THSD1: variants seen among roughly 807,000 people sequenced by gnomAD.
The protein encoded by THSD1 is thrombospondin type-1 domain-containing protein 1.
Under a neutral mutation model 46.3 loss-of-function variants are expected in THSD1, and 34 were observed. That is an observed-to-expected ratio of 0.74 (90% CI 0.56 to 0.98). The LOEUF (loss-of-function observed/expected upper bound fraction) is 0.98. Ranked by LOEUF, THSD1 falls within the 50% of genes least tolerant of loss-of-function variation. The pLI is 0.00. For synonymous variants in THSD1, 407 were observed against 416.5 expected (o/e 0.98, Z 0.28); for missense variants, 1,023 against 1,058.3 (o/e 0.97, Z 0.46).
At chr13:52,396,309 G>A (rs1342606675) in intron 3 of THSD1, among the ~76,000 whole-genome samples, 1 of 152,064 alleles carries the variant, frequency 6.6e-6, no homozygotes, top group Non-Finnish European at 1.5e-5. Context: ...GGATCACAAG[G>A]TCAGGAGATC....
At position 52,397,368 on chromosome 13, in the gene THSD1, G is replaced by A. The variant is rs758298333; in HGVS notation, c.885C>T (p.Pro295=). The A allele has an allele frequency of 4.3e-6, 7 of 1,614,058 alleles. No individual in the cohort carries two copies. The Admixed American group carries it at 1.0e-4, about 23-fold the overall frequency. The change falls in exon 3 of 5, where the codon CCC becomes CCT. Residue 295 remains proline, a synonymous_variant. Transcript: ENST00000258613. Reference sequence around the variant, plus strand: ...TAAAAATTGTCCTCCTCTCTCCCAGGGGCAGGCTGTTTTCAGCCAAGTGAA... The same window carrying A: ...TAAAAATTGTCCTCCTCTCTCCCAGAGGCAGGCTGTTTTCAGCCAAGTGAA... ...RTIHLAENSL[P]LGERRTIFNC...
At chr13:52,403,938 ATTTTTTTTT>A (rs67802176) in intron 1 of THSD1, among the ~76,000 whole-genome samples, 2 of 63,920 alleles carry the variant, frequency 3.1e-5, no homozygotes, top group African/African-American at 1.6e-4. Flanking sequence ...CATTATTCAC[ATTTTTTTTT>A]TTTTTTTTTT....
At chr13:52,392,920 C>T (rs920061118) in intron 3 of THSD1, among the ~76,000 whole-genome samples, 1 of 152,018 alleles carries the variant, frequency 6.6e-6, no homozygotes, top group African/African-American at 2.4e-5. Flanking sequence ...CCTGTGGGCT[C>T]CCAAGTGGTT....
chr13:52,400,897 T>C (rs1957852942), intron 2 of THSD1, among the ~76,000 whole-genome samples: 1 of 152,236 alleles, frequency 6.6e-6, no homozygotes, highest in African/African-American at 2.4e-5. Flanking sequence ...TTATTTATCA[T>C]TATGAAACCA....
chr13:52,396,685 T>C (rs1006384038), intron 3 of THSD1, among the ~76,000 whole-genome samples: 1 of 152,164 alleles, frequency 6.6e-6, no homozygotes, highest in Non-Finnish European at 1.5e-5. Context: ...TTCTTCATGA[T>C]TAGGTGGGGC....
Position 52,402,586 on chromosome 13 carries a change from C to G in THSD1, c.15G>C (p.Leu5Phe), listed in dbSNP as rs1380388780. Residue 5 changes from leucine to phenylalanine, a missense_variant, in exon 2 of 5, where the codon TTG (leucine) becomes TTC (phenylalanine). By Grantham distance (22) the Leu-to-Phe change is conservative. Around this residue, in one of 3 missense-constraint regions of THSD1, gnomAD observed 429 missense variants for 518.3 expected, o/e 0.83. Transcript: ENST00000258613. Reference protein sequence around the residue: MKPMLKDFSNLLLVV... With the variant: MKPMFKDFSNLLLVV... ...CCAACAATAGATTTGAAAAGTCTTT[C>G]AACATTGGTTTCATTCTGATTGACA... 6 of 1,613,830 alleles carry G rather than the reference C, an allele frequency of 3.7e-6. No homozygotes were observed. Among genetic ancestry groups the G allele is most frequent in the African/African-American group, 2.7e-5 (2 of 74,926 alleles).
chr13:52,383,189 A>T (rs939428972), intron 4 of THSD1, among the ~76,000 whole-genome samples: 4 of 152,168 alleles, frequency 2.6e-5, no homozygotes, highest in Non-Finnish European at 5.9e-5. Flanking sequence ...GTCATATCTT[A>T]TTAATACATT....
chr13:52,385,716 A>C (rs1454140910), intron 4 of THSD1, among the ~76,000 whole-genome samples: 1 of 152,208 alleles, frequency 6.6e-6, no homozygotes, highest in Non-Finnish European at 1.5e-5. Flanking sequence ...AATCTTATGA[A>C]GAAATGATCC....
chr13:52,404,671 A>G (rs1957893269), intron 1 of THSD1, among the ~76,000 whole-genome samples: 2 of 152,252 alleles, frequency 1.3e-5, no homozygotes, highest in African/African-American at 4.8e-5. Flanking sequence ...AAGTGTGAGC[A>G]CTTAAGACAA....
In THSD1 at chr13:52,397,477, G is replaced by A; in HGVS notation, c.776C>T (p.Thr259Ile). ...GAAGGTGCATGGTGGAGGCAGCACT[G>A]TCACCTCTACCCCGGACTCACATGT... The part of the protein sequence containing the change: ...ELTCESGVEV[T>I]VLPPPCTFVQ... The change falls in exon 3 of 5, where the codon ACA becomes ATA. Residue 259 changes from threonine (T) to isoleucine (I), a missense_variant. Transcript: ENST00000258613. 6.2e-7 allele frequency: 1 copy of A among 1,614,114 alleles called. No individual in the cohort carries two copies. The highest frequency in any genetic ancestry group is 8.5e-7 in the Non-Finnish European group (1 of 1,180,034).
chr13:52,395,015 G>A (rs9526912), intron 3 of THSD1, among the ~76,000 whole-genome samples: 152,202 of 152,306 alleles, frequency 1, 76,049 homozygotes, highest in Middle Eastern at 1. Flanking sequence ...GTTAATGTTA[G>A]CCAGGAGAAG....
intron 3 of THSD1, among the ~76,000 whole-genome samples, chr13:52,387,764 A>G (rs1447807973): frequency 2.0e-5 from 3 of 152,186 alleles, no homozygotes; most frequent in Non-Finnish European, 4.4e-5. Context: ...AAATGTCCCA[A>G]ACTAAAAAAC....
In THSD1 at chr13:52,378,250, A is replaced by C; in HGVS notation, c.1720T>G (p.Leu574Val). Residue 574 changes from leucine (L) to valine (V), a missense_variant, in exon 5 of 5, where the codon TTG becomes GTG. Around this residue, in one of 3 missense-constraint regions of THSD1, gnomAD observed 578 missense variants for 497.4 expected, o/e 1.16. Transcript: ENST00000258613. ...IDAAPSAPLDLESPEEAAANK... is the reference protein window; with the variant it reads ...IDAAPSAPLDVESPEEAAANK... Reference sequence around the variant, plus strand: ...GCTGCAGCTTCTTCCGGGCTTTCCAAATCTAAGGGAGCGCTGGGGGCCGCA... The same window carrying C: ...GCTGCAGCTTCTTCCGGGCTTTCCACATCTAAGGGAGCGCTGGGGGCCGCA... 2 of 1,614,164 alleles carry C rather than the reference A, an allele frequency of 1.2e-6. No individual in the cohort carries two copies. Among genetic ancestry groups the C allele is most frequent in the Non-Finnish European group, 1.7e-6 (2 of 1,180,028 alleles).
In THSD1 at chr13:52,377,184, T is replaced by C. The variant is rs1230791080; in HGVS notation, c.*227A>G. The C allele has an allele frequency of 2.4e-6, 3 of 1,267,696 alleles. No homozygotes were observed. The highest frequency in any genetic ancestry group is 3.0e-6 in the Non-Finnish European group (3 of 1,004,696). 78.5% of individuals were successfully genotyped at this position (1,267,696 alleles called of 1,614,324 possible). A position where few individuals can be genotyped will look rare whatever the true frequency, so the allele number is the denominator to read the frequency against. ...AAGCCCCATTTGCTCATTTACATTT[T>C]ATTATCATTGTTATTACTAATAAAT... On this transcript the variant is annotated 3_prime_UTR_variant, in exon 5 of 5. Transcript: ENST00000258613.
In THSD1 at chr13:52,377,774, C is replaced by T; in HGVS notation, c.2196G>A (p.Gly732=). 6.2e-7 allele frequency: 1 copy of T among 1,614,146 alleles called. No homozygotes were observed. Among genetic ancestry groups the T allele is most frequent in the Non-Finnish European group, 8.5e-7 (1 of 1,180,022 alleles). Residue 732 remains glycine, a synonymous_variant, in exon 5 of 5, where the codon GGG becomes GGA. Transcript: ENST00000258613. ...LNPLPKSYTL[G]QPLRKPDLGD... ...CAAGGTCTGGTTTCCTCAAGGGCTG[C>T]CCCAAAGTGTAGGATTTAGGGAGAG...
intron 3 of THSD1, among the ~76,000 whole-genome samples, chr13:52,390,116 T>C (rs1416239674): frequency 3.4e-5 from 5 of 148,984 alleles, no homozygotes; most frequent in Admixed American, 6.8e-5. Flanking sequence ...ACTCCAGCCT[T>C]GGCAGCAGAG....
At chr13:52,385,245 A>G (rs2137729643) in intron 4 of THSD1, among the ~76,000 whole-genome samples, 1 of 152,346 alleles carries the variant, frequency 6.6e-6, no homozygotes, top group Non-Finnish European at 1.5e-5. Flanking sequence ...TCTAAGAGTC[A>G]GGACCAGAGC....
chr13:52,397,270 G>A lies in THSD1; in HGVS notation c.983C>T (p.Ser328Phe). 1 of 1,610,164 alleles carries A rather than the reference G, an allele frequency of 6.2e-7. No individual in the cohort carries two copies. The highest frequency in any genetic ancestry group is 8.5e-7 in the Non-Finnish European group (1 of 1,178,184). Residue 328 changes from serine to phenylalanine, a missense_variant, in exon 3 of 5, where the codon TCT (serine) becomes TTT (phenylalanine). By Grantham distance (155) the Ser-to-Phe change is radical. This residue lies in a region of THSD1 where 429 missense variants were observed against 518.3 expected (regional missense o/e 0.83). Transcript: ENST00000258613. ...DFGISSRSHF[S>F]AKEECMLIQR... ...AATTAGCATGCACTCCTCCTTTGCA[G>A]AAAAATGGCTTCTGCTTGAAATGCC...
At chr13:52,388,440 A>G (rs1356064237) in intron 3 of THSD1, among the ~76,000 whole-genome samples, 2 of 152,146 alleles carry the variant, frequency 1.3e-5, no homozygotes, top group Non-Finnish European at 2.9e-5. Flanking sequence ...CTAAAATATC[A>G]CTGATAGCCT....
Sources: allele counts gnomAD v4.1 joint callset (sites outside exome capture counted in the v4.1 genomes callset), GRCh38; gene constraint gnomAD v4.1.1; regional missense constraint gnomAD v4.1.1; transcripts MANE v1.5; gene names NCBI Gene and HGNC (gene_info 2026-07-23, HGNC 2026-07-21).